BCOR: variants seen among roughly 807,000 people sequenced by gnomAD.
BCOR encodes the protein BCL-6 corepressor.
Under a neutral mutation model 86.7 loss-of-function variants are expected in BCOR, and 10 were observed. The ratio of observed to expected loss-of-function variants is 0.12; its 90% confidence interval spans 0.07 to 0.20. The LOEUF is 0.20. Ranked by LOEUF, BCOR falls within the 10% of genes least tolerant of loss-of-function variation. The pLI is 1.00. For missense variants in BCOR, 1,259 were observed against 1,452.1 expected (o/e 0.87, Z 2.16); for synonymous variants, 611 against 609.0 (o/e 1.00, Z -0.05).
At chrX:40,158,063 TGTGGGGCTGGCACCCAGTG>T (rs1402314339) in intron 1 of BCOR, among the ~76,000 whole-genome samples, 2 of 111,686 alleles carry the variant, frequency 1.8e-5, no homozygotes, top group Non-Finnish European at 1.9e-5. Context: ...ATGGCTTGGG[TGTGGGGCTGGCACCCAGTG>T]GTCCCCGCTG....
intron 1 of BCOR, among the ~76,000 whole-genome samples, chrX:40,125,804 T>C (rs1937531454): frequency 8.9e-6 from 1 of 111,928 alleles, no homozygotes; most frequent in African/African-American, 3.2e-5. Flanking sequence ...AATATGGGGG[T>C]GGGTGAGTTC....
chrX:40,121,108 A>AG (rs1416054830), intron 1 of BCOR, among the ~76,000 whole-genome samples: 1 of 110,322 alleles, frequency 9.1e-6, no homozygotes, highest in Non-Finnish European at 1.9e-5. Flanking sequence ...GACAGGTAAA[A>AG]GGGGGGCGGG....
At chrX:40,060,268 C>T (rs770599163) in intron 10 of BCOR, among the ~76,000 whole-genome samples, 281 of 112,462 alleles carry the variant, frequency 2.5e-3, no homozygotes, top group Non-Finnish European at 4.7e-3. Flanking sequence ...AAACATTCAG[C>T]ATCAAAACTG....
intron 1 of BCOR, among the ~76,000 whole-genome samples, chrX:40,088,123 T>C (rs1936437676): frequency 8.9e-6 from 1 of 111,904 alleles, no homozygotes; most frequent in South Asian, 3.7e-4. Flanking sequence ...CCTCGGTGGC[T>C]GGACAAAACA....
intron 1 of BCOR, among the ~76,000 whole-genome samples, chrX:40,082,497 G>A (rs1275173129): frequency 9.0e-6 from 1 of 111,591 alleles, no homozygotes; most frequent in Non-Finnish European, 1.9e-5. Flanking sequence ...ACAGCCAGAA[G>A]AACTGGAGAG....
chrX:40,068,730 G>A (rs1935321628), intron 6 of BCOR, among the ~76,000 whole-genome samples: 1 of 113,268 alleles, frequency 8.8e-6, no homozygotes, highest in Non-Finnish European at 1.9e-5. Flanking sequence ...CATTCCTTAG[G>A]AGTTTGGGGA....
chrX:40,111,998 T>G (rs1202585903), intron 1 of BCOR, among the ~76,000 whole-genome samples: 1 of 108,710 alleles, frequency 9.2e-6, no homozygotes, highest in Non-Finnish European at 1.9e-5. Flanking sequence ...CTGCAGAAAG[T>G]GCTCAAGATC....
chrX:40,087,351 C>T lies in BCOR; in HGVS notation c.-40-9382G>A, dbSNP rs897909187. On this transcript the variant is annotated intron_variant, in intron 1 of 14. Coordinates refer to ENST00000378444, the MANE Select transcript of BCOR (RefSeq NM_001123385.2). ...TATTAGTGCAAATTACACGCCTAAT[C>T]GGTCCTTAAATAGATTTTAATTAAA... is the stretch of plus-strand genomic sequence containing the variant. Among the ~76,000 whole-genome samples the T allele has an allele frequency of 2.6e-5, 3 of 113,212 alleles. No homozygotes were observed. In the Admixed American group the frequency reaches 2.8e-4, roughly 10 times the overall value.
At chrX:40,117,513 C>G (rs773092914) in intron 1 of BCOR, among the ~76,000 whole-genome samples, 62 of 109,357 alleles carry the variant, frequency 5.7e-4, no homozygotes, top group African/African-American at 2.1e-3. Flanking sequence ...ATACACAAAA[C>G]CCAGCAAAGA....
At chrX:40,176,277 G>A (rs1305352099) in intron 1 of BCOR, among the ~76,000 whole-genome samples, 1 of 112,371 alleles carries the variant, frequency 8.9e-6, no homozygotes, top group East Asian at 2.8e-4. Flanking sequence ...CCGGGGGAAA[G>A]GGAGGCTGTT....
intron 11 of BCOR, among the ~76,000 whole-genome samples, chrX:40,056,871 G>A (rs1189539479): frequency 8.9e-6 from 1 of 111,906 alleles, no homozygotes; most frequent in Non-Finnish European, 1.9e-5. Context: ...AAGAGTCCAG[G>A]GTCTTAAAAG....
chrX:40,088,446 T>TAA (rs1230154297), intron 1 of BCOR, among the ~76,000 whole-genome samples: 2 of 111,186 alleles, frequency 1.8e-5, no homozygotes, highest in Non-Finnish European at 3.8e-5. Flanking sequence ...CAAAGGCTTT[T>TAA]AGGGGAAGAA....
chrX:40,169,977 AGCCTGGGCCTCCATCCCCAGCGC>A (rs1235963443), intron 1 of BCOR, among the ~76,000 whole-genome samples: 1 of 112,420 alleles, frequency 8.9e-6, no homozygotes, highest in Admixed American at 9.3e-5. Flanking sequence ...GTGAACGCGC[AGCCTGGGCCTCCATCCCCAGCGC>A]GCCTGGGCAC....
intron 1 of BCOR, among the ~76,000 whole-genome samples, chrX:40,148,580 G>A (rs1462249892): frequency 9.0e-6 from 1 of 111,571 alleles, no homozygotes; most frequent in Admixed American, 9.5e-5. Flanking sequence ...CCATGTCTGA[G>A]AAAGAAGGCA....
At chrX:40,110,525 T>C (rs937387893) in intron 1 of BCOR, among the ~76,000 whole-genome samples, 2 of 109,366 alleles carry the variant, frequency 1.8e-5, no homozygotes, top group Non-Finnish European at 3.8e-5. Context: ...CCTAGCTTCC[T>C]GTCTTATCAG....
rs201002764 is a variant in BCOR, at chrX:40,052,137, C to G, written c.5240G>C (p.Ser1747Thr). The change falls in exon 15 of 15, where the codon AGT (serine) becomes ACT (threonine). Residue 1747 changes from serine to threonine, a missense_variant. Coordinates refer to ENST00000378444, the MANE Select transcript of BCOR (RefSeq NM_001123385.2). ...CCAGTAGTTGTCTGAGGCCAGATCA[C>G]TGGGGTGGAGCCACTCTACAGAGGA... Reference protein sequence around the residue: ...LGSSVEWLHPSDLASDNYW With the variant: ...LGSSVEWLHPTDLASDNYW 17 of 1,199,591 alleles carry G rather than the reference C, an allele frequency of 1.4e-5. No homozygotes were observed. In the East Asian group the frequency reaches 2.4e-4, roughly 17 times the overall value.
At chrX:40,076,309 TC>T in intron 3 of BCOR, 144 bp downstream of exon 3, 1 of 470,403 alleles carries the variant, frequency 2.1e-6, no homozygotes, top group Non-Finnish European at 3.9e-6. Flanking sequence ...GGCCTTGTCC[TC>T]TCGCAGAGGC....
At chrX:40,141,981 A>G (rs1937932304) in intron 1 of BCOR, among the ~76,000 whole-genome samples, 1 of 111,179 alleles carries the variant, frequency 9.0e-6, no homozygotes, top group Non-Finnish European at 1.9e-5. Context: ...TCCTCCTCCC[A>G]TTCCCCAGCC....
chrX:40,062,373 T>A lies in BCOR; in HGVS notation c.4194A>T (p.Arg1398Ser). 8.3e-7 allele frequency: 1 copy of A among 1,205,923 alleles called. No individual in the cohort carries two copies. Among genetic ancestry groups the A allele is most frequent in the Non-Finnish European group, 1.1e-6 (1 of 892,832 alleles). ...ADGKVTVRRF[R>S]KRPEPSSDYD... is the part of the protein sequence containing the mutation. ...AGTCCGAACTGGGCTCCGGCCGCTT[T>A]CTGAATCTCCGGACAGTCACCTATC... Residue 1398 changes from arginine to serine, a missense_variant, in exon 10 of 15, where the codon AGA (arginine) becomes AGT (serine). Physicochemically the swap from Arg to Ser is moderately radical, Grantham distance 110 (BLOSUM62 -1). This residue lies in a region of BCOR where 305 missense variants were observed against 286.1 expected (regional missense o/e 1.07). Coordinates refer to ENST00000378444, the MANE Select transcript of BCOR (RefSeq NM_001123385.2).
Sources: allele counts gnomAD v4.1 joint callset (sites outside exome capture counted in the v4.1 genomes callset), GRCh38; gene constraint gnomAD v4.1.1; regional missense constraint gnomAD v4.1.1; transcripts MANE v1.5; gene names NCBI Gene and HGNC (gene_info 2026-07-23, HGNC 2026-07-21).